CDR2L: variants seen among roughly 807,000 people sequenced by gnomAD.
CDR2L encodes cerebellar degeneration related protein 2 like.
CDR2L carries 19 observed loss-of-function variants against 36.1 expected under a neutral mutation model. The observed-to-expected ratio is 0.53, with a 90% CI of 0.37 to 0.77. CDR2L has a LOEUF of 0.77. CDR2L is among the 30% of genes least tolerant of loss of function. CDR2L has a pLI of 0.00. For synonymous variants in CDR2L, 285 were observed against 280.4 expected (o/e 1.02, Z -0.16); for missense variants, 575 against 627.2 (o/e 0.92, Z 0.89).
chr17:74,988,053 G>T lies in CDR2L; in HGVS notation c.10G>T (p.Ala4Ser). 2 of 1,524,728 alleles carry T rather than the reference G, an allele frequency of 1.3e-6. No homozygotes were observed. The highest frequency in any genetic ancestry group is 1.8e-6 in the Non-Finnish European group (2 of 1,137,644). The allele number at this position is 1,524,728 out of a possible 1,614,324, so 94.4% of individuals were successfully genotyped here. Residue 4 changes from alanine (A) to serine (S), a missense_variant, in exon 1 of 5, where the codon GCC becomes TCC. Transcript: ENST00000337231. ...CGCCGCCCGCGGGGCCATGCGGAGAGCCGCCGGGATGGAGGACTTCTCCGC... is the reference window on the plus strand; with the variant it reads ...CGCCGCCCGCGGGGCCATGCGGAGATCCGCCGGGATGGAGGACTTCTCCGC... MRR[A>S]AGMEDFSAEE...
chr17:75,003,967 C>A lies in CDR2L; in HGVS notation c.1291C>A (p.Gln431Lys). The A allele has an allele frequency of 6.2e-7, 1 of 1,609,678 alleles. No individual in the cohort carries two copies. The highest frequency in any genetic ancestry group is 8.5e-7 in the Non-Finnish European group (1 of 1,178,222). The part of the protein sequence containing the change: ...HVEAVDKRLE[Q>K]SQPEYKALFK... ...GGAGGCCGTGGACAAGCGGCTGGAA[C>A]AGAGCCAGCCCGAGTACAAGGCGCT... The change falls in exon 5 of 5, where the codon CAG (glutamine) becomes AAG (lysine). Residue 431 changes from glutamine to lysine, a missense_variant. Transcript: ENST00000337231.
At chr17:74,988,842 C>CT (rs1439566197) in intron 1 of CDR2L, among the ~76,000 whole-genome samples, 1 of 152,120 alleles carries the variant, frequency 6.6e-6, no homozygotes, top group Non-Finnish European at 1.5e-5. Flanking sequence ...CAGTTGCCAT[C>CT]TGAGGACAGA....
Position 75,004,774 on chromosome 17 carries a change from GAGA to G in CDR2L, c.*703_*705del, listed in dbSNP as rs2039893246. 1 of 152,792 alleles carries G rather than the reference GAGA, an allele frequency of 6.5e-6. No individual in the cohort carries two copies. The highest frequency in any genetic ancestry group is 6.5e-5 in the Admixed American group (1 of 15,290). The allele number at this position is 152,792 out of a possible 1,614,324, so 9.5% of individuals were successfully genotyped here. ...GATCTGTAGCCAGTCAGAGGAGGAG[GAGA>G]AGGAGCCCCTCAGCAGAGTGGTGCA... On this transcript the variant is annotated 3_prime_UTR_variant, in exon 5 of 5. Transcript: ENST00000337231.
chr17:75,003,331 G>C lies in CDR2L; in HGVS notation c.655G>C (p.Glu219Gln). The change falls in exon 5 of 5, where the codon GAG becomes CAG. Residue 219 changes from glutamate to glutamine, a missense_variant. Physicochemically the swap from Glu to Gln is conservative, Grantham distance 29 (BLOSUM62 2). Transcript: ENST00000337231. ...ERQRKERAEREYTAVLQEYSE... is the reference protein window; with the variant it reads ...ERQRKERAERQYTAVLQEYSE... ...GCAGCGCAAGGAGCGGGCGGAGCGC[G>C]AGTACACCGCGGTGCTGCAGGAGTA... The C allele has an allele frequency of 6.4e-7, 1 of 1,555,650 alleles. No individual in the cohort carries two copies. The highest frequency in any genetic ancestry group is 8.7e-7 in the Non-Finnish European group (1 of 1,150,452).
At chr17:74,993,186 A>G (rs1376657611) in intron 1 of CDR2L, among the ~76,000 whole-genome samples, 1 of 152,174 alleles carries the variant, frequency 6.6e-6, no homozygotes, top group Non-Finnish European at 1.5e-5. Context: ...GGAAGATAGC[A>G]TGGCTGTCTC....
rs148014859 is a variant in CDR2L, at chr17:75,000,318, A to T, written c.192+702A>T. 5.8e-3 allele frequency among the ~76,000 whole-genome samples: 875 copies of T among 151,094 alleles called. 4 individuals carry two copies. The highest frequency in any genetic ancestry group is 9.8e-3 in the Non-Finnish European group (668 of 67,824). On this transcript the variant is annotated intron_variant, in intron 2 of 4. Transcript: ENST00000337231. ...TAAATAAGATTTATTTCTTTTTTGA[A>T]ATGGAGTCTCACTCTGTCACCCAGG...
chr17:74,991,973 C>A (rs2039800073), intron 1 of CDR2L, among the ~76,000 whole-genome samples: 1 of 152,186 alleles, frequency 6.6e-6, no homozygotes, highest in African/African-American at 2.4e-5. Context: ...TGCCTCCACC[C>A]TGGTTACCCC....
chr17:74,994,731 T>C (rs763494844), intron 1 of CDR2L, among the ~76,000 whole-genome samples: 2 of 152,142 alleles, frequency 1.3e-5, no homozygotes, highest in East Asian at 3.9e-4. Flanking sequence ...TCAACTTCTC[T>C]AGTAGCTGCG....
intron 1 of CDR2L, among the ~76,000 whole-genome samples, chr17:74,991,353 G>C (rs1205126688): frequency 4.2e-5 from 6 of 144,308 alleles, no homozygotes; most frequent in Middle Eastern, 3.9e-3. Context: ...AGTGAGCTGA[G>C]ATAGCTAGCG....
At position 74,987,677 on chromosome 17, in the gene CDR2L, G is replaced by C. The variant is rs375366938; in HGVS notation, c.-367G>C. The C allele has an allele frequency of 1.3e-5, 2 of 156,500 alleles. No homozygotes were observed. The highest frequency in any genetic ancestry group is 2.0e-4 in the South Asian group (1 of 4,896). 9.7% of individuals were successfully genotyped at this position (156,500 alleles called of 1,614,324 possible). A position where few individuals can be genotyped will look rare whatever the true frequency, so the allele number is the denominator to read the frequency against. ...GTTGTCGCCGGGCGGGCCAGGAGCA[G>C]CGCGGACCCGAGCCGGGCAGGGGGC... On this transcript the variant is annotated 5_prime_UTR_variant, in exon 1 of 5. Coordinates refer to ENST00000337231, the MANE Select transcript of CDR2L (RefSeq NM_014603.3).
chr17:74,988,332 GT>G (rs2144853375), intron 1 of CDR2L, among the ~76,000 whole-genome samples: 1 of 152,332 alleles, frequency 6.6e-6, no homozygotes, highest in East Asian at 1.9e-4. Flanking sequence ...ACCTGCAAAA[GT>G]GGGGGGCGGG....
rs962445250 is a variant in CDR2L at position 75,003,539 on chromosome 17, C to T, written c.863C>T (p.Pro288Leu). 4.0e-6 allele frequency: 6 copies of T among 1,513,204 alleles called. No homozygotes were observed. The highest frequency in any genetic ancestry group is 5.3e-6 in the Non-Finnish European group (6 of 1,128,602). The allele number at this position is 1,513,204 out of a possible 1,614,324, so 93.7% of individuals were successfully genotyped here. Residue 288 changes from proline (P) to leucine (L), a missense_variant, in exon 5 of 5, where the codon CCC (proline) becomes CTC (leucine). Pro to Leu is a moderately conservative substitution (Grantham distance 98). Coordinates refer to ENST00000337231, the MANE Select transcript of CDR2L (RefSeq NM_014603.3). The part of the protein sequence containing the change: ...PLTQAPEADD[P>L]QPGRGDDLGA... Reference sequence around the variant, plus strand: ...ACGCAGGCCCCTGAGGCCGACGATCCCCAGCCCGGCCGCGGGGACGACTTG... The same window carrying T: ...ACGCAGGCCCCTGAGGCCGACGATCTCCAGCCCGGCCGCGGGGACGACTTG...
chr17:75,003,688 C>G lies in CDR2L; in HGVS notation c.1012C>G (p.Leu338Val). ...KDPASRHAGN[L>V]TLHANSVRKR... ...CCCAGCCAGCCGGCACGCGGGCAAC[C>G]TCACACTGCACGCCAACAGCGTGCG... Residue 338 changes from leucine (L) to valine (V), a missense_variant, in exon 5 of 5, where the codon CTC (leucine) becomes GTC (valine). Coordinates refer to ENST00000337231, the MANE Select transcript of CDR2L (RefSeq NM_014603.3). 1 of 1,464,140 alleles carries G rather than the reference C, an allele frequency of 6.8e-7. No homozygotes were observed. 90.7% of individuals were successfully genotyped at this position (1,464,140 alleles called of 1,614,324 possible). A position where few individuals can be genotyped will look rare whatever the true frequency, so the allele number is the denominator to read the frequency against.
chr17:74,999,664 C>A, intron 2 of CDR2L, 48 bp downstream of exon 2: 1 of 1,146,284 alleles, frequency 8.7e-7, no homozygotes, highest in South Asian at 1.4e-5. Flanking sequence ...GGCCCCTTGG[C>A]CTGTGTGTGC....
chr17:75,000,734 G>A (rs1440332687), intron 2 of CDR2L, among the ~76,000 whole-genome samples: 2 of 150,826 alleles, frequency 1.3e-5, no homozygotes, highest in Non-Finnish European at 3.0e-5. Context: ...CTAACACGGT[G>A]AAACCCCATC....
chr17:75,003,697 C>T lies in CDR2L; in HGVS notation c.1021C>T (p.His341Tyr), dbSNP rs1427748525. 6.8e-7 allele frequency: 1 copy of T among 1,464,324 alleles called. No individual in the cohort carries two copies. 90.7% of individuals were successfully genotyped at this position (1,464,324 alleles called of 1,614,324 possible). ...ASRHAGNLTL[H>Y]ANSVRKRGMS... ...CCGGCACGCGGGCAACCTCACACTGCACGCCAACAGCGTGCGCAAGCGGGG... is the reference window on the plus strand; with the variant it reads ...CCGGCACGCGGGCAACCTCACACTGTACGCCAACAGCGTGCGCAAGCGGGG... Residue 341 changes from histidine to tyrosine, a missense_variant, in exon 5 of 5, where the codon CAC (histidine) becomes TAC (tyrosine). Physicochemically the swap from His to Tyr is moderately conservative, Grantham distance 83. Coordinates refer to ENST00000337231, the MANE Select transcript of CDR2L (RefSeq NM_014603.3).
At position 75,001,404 on chromosome 17, in the gene CDR2L, C is replaced by A. The variant is rs779407474; in HGVS notation, c.256C>A (p.Gln86Lys). ...VNEQHAKVYE[Q>K]LDLTARDLEL... Reference sequence around the variant, plus strand: ...CGAGCAGCACGCCAAAGTCTATGAGCAGCTGGACCTGACAGCCCGGGACCT... The same window carrying A: ...CGAGCAGCACGCCAAAGTCTATGAGAAGCTGGACCTGACAGCCCGGGACCT... Residue 86 changes from glutamine to lysine, a missense_variant, in exon 3 of 5, where the codon CAG (glutamine) becomes AAG (lysine). Physicochemically the swap from Gln to Lys is moderately conservative, Grantham distance 53. Coordinates refer to ENST00000337231, the MANE Select transcript of CDR2L (RefSeq NM_014603.3). 1.2e-6 allele frequency: 2 copies of A among 1,611,300 alleles called. No homozygotes were observed. The highest frequency in any genetic ancestry group is 2.7e-5 in the African/African-American group (2 of 74,982).
At chr17:74,997,075 TC>T (rs1567974340) in intron 1 of CDR2L, among the ~76,000 whole-genome samples, 1,922 of 9,402 alleles carry the variant, frequency 0.2, 169 homozygotes, top group Middle Eastern at 0.33. Flanking sequence ...TTTCTTTCTT[TC>T]TTTCTTTCTT....
chr17:74,997,053 TTTC>T (rs2039831203), intron 1 of CDR2L, among the ~76,000 whole-genome samples: 1 of 9,298 alleles, frequency 1.1e-4, no homozygotes, highest in African/African-American at 1.4e-4. Flanking sequence ...TCTTTCTTTC[TTTC>T]TTTCTTTCTT....
Sources: gnomAD v4.1 joint callset for allele counts (sites outside exome capture counted in the v4.1 genomes callset) on GRCh38, gnomAD v4.1.1 for gene constraint, MANE v1.5 for transcripts, NCBI Gene and HGNC (gene_info 2026-07-23, HGNC 2026-07-21) for gene names.